CAMK1D: variants seen among roughly 807,000 people sequenced by gnomAD.
The protein encoded by CAMK1D is calcium/calmodulin dependent protein kinase ID, also known as calcium/calmodulin-dependent protein kinase type 1D.
A neutral mutation model predicts 47.7 loss-of-function variants in CAMK1D; 9 were observed. The observed-to-expected ratio is 0.19, with a 90% confidence interval of 0.11 to 0.33. CAMK1D has a LOEUF of 0.33. Among genes scored for constraint, CAMK1D ranks in the 10% least tolerant of loss-of-function variants. CAMK1D has a pLI of 1.00. For synonymous variants in CAMK1D, 184 were observed against 184.9 expected (o/e 0.99, Z 0.04); for missense variants, 291 against 488.7 (o/e 0.60, Z 3.81).
intron 2 of CAMK1D, among the ~76,000 whole-genome samples, chr10:12,640,710 T>C (rs1485140041): frequency 6.6e-6 from 1 of 152,218 alleles, no homozygotes; most frequent in African/African-American, 2.4e-5. Context: ...AGAATATTCC[T>C]GACCGAAGCT....
intron 2 of CAMK1D, among the ~76,000 whole-genome samples, chr10:12,660,374 C>A (rs1399957053): frequency 2.0e-5 from 3 of 152,204 alleles, no homozygotes; most frequent in African/African-American, 7.2e-5. Flanking sequence ...CACAGAAGCA[C>A]GTGTAGTCAG....
At chr10:12,738,455 G>A (rs1835277159) in intron 3 of CAMK1D, among the ~76,000 whole-genome samples, 1 of 152,290 alleles carries the variant, frequency 6.6e-6, no homozygotes, top group South Asian at 2.1e-4. Flanking sequence ...CATCCAAAAT[G>A]TAAACAAAGA....
At chr10:12,759,802 G>A (rs191140292) in intron 3 of CAMK1D, among the ~76,000 whole-genome samples, 2 of 152,284 alleles carry the variant, frequency 1.3e-5, no homozygotes, top group Admixed American at 6.5e-5. Context: ...TTAAAAGAAG[G>A]TTTCAGTGGA....
At chr10:12,808,505 G>A (rs1252254940) in intron 6 of CAMK1D, among the ~76,000 whole-genome samples, 1 of 152,182 alleles carries the variant, frequency 6.6e-6, no homozygotes, top group Non-Finnish European at 1.5e-5. Flanking sequence ...TGAAGACAGC[G>A]GCTGAGCACA....
chr10:12,643,389 T>G (rs1211031037), intron 2 of CAMK1D, among the ~76,000 whole-genome samples: 2 of 152,172 alleles, frequency 1.3e-5, no homozygotes, highest in East Asian at 3.9e-4. Flanking sequence ...TGTGGGCTGT[T>G]AGGAGCAGGG....
At chr10:12,609,489 G>A (rs1838560423) in intron 2 of CAMK1D, among the ~76,000 whole-genome samples, 1 of 152,168 alleles carries the variant, frequency 6.6e-6, no homozygotes, top group Non-Finnish European at 1.5e-5. Flanking sequence ...TTGTTTTCCT[G>A]CAACTGGACA....
intron 3 of CAMK1D, among the ~76,000 whole-genome samples, chr10:12,732,239 T>G (rs1834920565): frequency 6.6e-6 from 1 of 152,060 alleles, no homozygotes; most frequent in Non-Finnish European, 1.5e-5. Flanking sequence ...AGACTCTGTC[T>G]AAAACAAAAT....
At chr10:12,728,757 G>A (rs894526892) in intron 3 of CAMK1D, among the ~76,000 whole-genome samples, 4 of 152,170 alleles carry the variant, frequency 2.6e-5, no homozygotes, top group Admixed American at 6.5e-5. Flanking sequence ...TGCCTTGGCC[G>A]CTGAAGTCAG....
At chr10:12,410,591 C>A (rs970737268) in intron 1 of CAMK1D, among the ~76,000 whole-genome samples, 8 of 152,150 alleles carry the variant, frequency 5.3e-5, no homozygotes, top group Non-Finnish European at 1.5e-5. Flanking sequence ...AGTTTATCAA[C>A]AAAATTGATC....
At chr10:12,401,181 TTA>T (rs1356256260) in intron 1 of CAMK1D, among the ~76,000 whole-genome samples, 9 of 48,882 alleles carry the variant, frequency 1.8e-4, no homozygotes, top group East Asian at 1.1e-3. Context: ...ATTATATATA[TTA>T]TATATATATT....
At chr10:12,406,890 A>G (rs1051496316) in intron 1 of CAMK1D, among the ~76,000 whole-genome samples, 1 of 151,688 alleles carries the variant, frequency 6.6e-6, no homozygotes, top group Non-Finnish European at 1.5e-5. Flanking sequence ...CTTGTTCCCC[A>G]TTTTCTCTGA....
chr10:12,786,173 A>T (rs1837715482), intron 5 of CAMK1D, among the ~76,000 whole-genome samples: 1 of 152,196 alleles, frequency 6.6e-6, no homozygotes, highest in Admixed American at 6.5e-5. Flanking sequence ...ATGCAATTTT[A>T]AAAATATTTC....
At chr10:12,719,866 C>G (rs1454853400) in intron 3 of CAMK1D, among the ~76,000 whole-genome samples, 2 of 152,156 alleles carry the variant, frequency 1.3e-5, no homozygotes, top group East Asian at 3.9e-4. Flanking sequence ...GATTCCAGTC[C>G]TCTGGGAAGT....
chr10:12,773,446 AC>A (rs1233927911), intron 5 of CAMK1D, among the ~76,000 whole-genome samples: 1 of 152,238 alleles, frequency 6.6e-6, no homozygotes, highest in Non-Finnish European at 1.5e-5. Flanking sequence ...TGCTTACAAT[AC>A]CTGATGCAAT....
chr10:12,632,575 G>A (rs1839410614), intron 2 of CAMK1D, among the ~76,000 whole-genome samples: 1 of 152,174 alleles, frequency 6.6e-6, no homozygotes, highest in Non-Finnish European at 1.5e-5. Flanking sequence ...CAGAAGCCTG[G>A]GGTAAATAAG....
At chr10:12,573,964 C>T (rs1837412084) in intron 2 of CAMK1D, among the ~76,000 whole-genome samples, 1 of 147,676 alleles carries the variant, frequency 6.8e-6, no homozygotes, top group South Asian at 2.2e-4. Context: ...GTGTGAGCCA[C>T]TGCACTTGGC....
chr10:12,597,368 T>C (rs1039223379), intron 2 of CAMK1D, among the ~76,000 whole-genome samples: 3 of 152,144 alleles, frequency 2.0e-5, no homozygotes, highest in African/African-American at 7.2e-5. Context: ...GCCAGGACCT[T>C]CTTGAAGCAC....
rs1265626182 is a variant in CAMK1D, at chr10:12,520,142, C to T, written c.93-33083C>T. On this transcript the variant is annotated intron_variant, in intron 1 of 10. Coordinates refer to ENST00000619168, the MANE Select transcript of CAMK1D (RefSeq NM_153498.4). ...GCTCCTCACTTCCCAGATGGGGTGG[C>T]TGCCGGACGGAGGGGCTCCCCACTT... 9.1e-5 allele frequency among the ~76,000 whole-genome samples: 7 copies of T among 76,926 alleles called. 3 individuals are homozygous for T. The highest frequency in any genetic ancestry group is 1.9e-4 in the Non-Finnish European group (7 of 36,222). 50.5% of individuals were successfully genotyped at this position (76,926 alleles called of 152,430 possible). A position where few individuals can be genotyped will look rare whatever the true frequency, so the allele number is the denominator to read the frequency against.
At chr10:12,497,164 T>C (rs974677315) in intron 1 of CAMK1D, among the ~76,000 whole-genome samples, 1 of 152,184 alleles carries the variant, frequency 6.6e-6, no homozygotes, top group African/African-American at 2.4e-5. Flanking sequence ...GTTGATTCCA[T>C]GTCTTTCGTT....
Sources: gnomAD v4.1 joint callset for allele counts (sites outside exome capture counted in the v4.1 genomes callset) on GRCh38, gnomAD v4.1.1 for gene constraint, MANE v1.5 for transcripts, NCBI Gene and HGNC (gene_info 2026-07-23, HGNC 2026-07-21) for gene names.